The following DAB1 variants were observed in gnomAD, a reference collection of about 807,000 sequenced individuals.
The protein encoded by DAB1 is DAB adaptor protein 1, also known as disabled homolog 1.
DAB1 carries 15 observed loss-of-function variants against 64.6 expected under a neutral mutation model. The ratio of observed to expected loss-of-function variants is 0.23; its 90% CI spans 0.16 to 0.36. The LOEUF is 0.36. DAB1 is among the 10% of genes least tolerant of loss of function. The pLI, the probability that DAB1 is intolerant of heterozygous loss-of-function variation, is 1.00. For missense variants in DAB1, 596 were observed against 706.7 expected (o/e 0.84, Z 1.78); for synonymous variants, 235 against 251.9 (o/e 0.93, Z 0.64).
chr1:57,200,101 C>T (rs375982449), intron 2 of DAB1, among the ~76,000 whole-genome samples: 1 of 152,168 alleles, frequency 6.6e-6, no homozygotes, highest in Non-Finnish European at 1.5e-5. Context: ...AGGCAGGGAA[C>T]TTTACCTCTT....
intron 9 of DAB1, among the ~76,000 whole-genome samples, chr1:57,034,136 C>A (rs1489280951): frequency 6.6e-6 from 1 of 152,028 alleles, no homozygotes; most frequent in Non-Finnish European, 1.5e-5. Flanking sequence ...AAAAATTAGC[C>A]AGACGTGATG....
chr1:58,123,803 T>G (rs1652893040), intron 5 of DAB1, among the ~76,000 whole-genome samples: 1 of 152,160 alleles, frequency 6.6e-6, no homozygotes, highest in Admixed American at 6.6e-5. Context: ...AATTCATGTC[T>G]GAGACTCTGT....
intron 3 of DAB1, among the ~76,000 whole-genome samples, chr1:58,406,978 C>A (rs533928006): frequency 6.6e-6 from 1 of 152,098 alleles, no homozygotes; most frequent in African/African-American, 2.4e-5. Context: ...ACAGGGTGGG[C>A]GTGCTAATGT....
chr1:57,879,120 T>TAC (rs1310511326), intron 1 of DAB1, among the ~76,000 whole-genome samples: 1 of 152,182 alleles, frequency 6.6e-6, no homozygotes, highest in Non-Finnish European at 1.5e-5. Context: ...TGAATACTGC[T>TAC]ACAATAAACA....
At chr1:57,356,692 G>A (rs774569720) in intron 1 of DAB1, among the ~76,000 whole-genome samples, 18 of 151,930 alleles carry the variant, frequency 1.2e-4, no homozygotes, top group African/African-American at 2.2e-4. Context: ...CTTTTCAAAC[G>A]ATGCAGTTTG....
chr1:58,497,138 A>C (rs1645816141), intron 3 of DAB1, among the ~76,000 whole-genome samples: 1 of 152,234 alleles, frequency 6.6e-6, no homozygotes, highest in Admixed American at 6.5e-5. Flanking sequence ...ACAAGTTAGA[A>C]ATACCACGAA....
intron 2 of DAB1, among the ~76,000 whole-genome samples, chr1:57,285,584 T>A (rs770861162): frequency 6.6e-6 from 1 of 152,124 alleles, no homozygotes; most frequent in African/African-American, 2.4e-5. Context: ...CTCACCTTTC[T>A]AATGACAAGT....
rs1169399437 is a variant in DAB1 at position 56,998,111 on chromosome 1, G to C, written c.*33C>G. The stretch of plus-strand genomic sequence containing the variant: ...ATTTCTTAGGTCTGTTGATCTGCGC[G>C]TACAGAGGCTCTGGCTCCTGTGGAT... On this transcript the variant is annotated 3_prime_UTR_variant, in exon 15 of 15. Coordinates refer to ENST00000371236, the MANE Select transcript of DAB1 (RefSeq NM_001365792.1). The C allele has an allele frequency of 2.6e-5, 4 of 152,738 alleles. No homozygotes were observed. Among genetic ancestry groups the C allele is most frequent in the East Asian group, 1.9e-4 (1 of 5,180 alleles). 9.5% of individuals were successfully genotyped at this position (152,738 alleles called of 1,614,324 possible).
intron 7 of DAB1, among the ~76,000 whole-genome samples, chr1:57,438,091 A>G (rs941746523): frequency 3.9e-5 from 6 of 152,208 alleles, no homozygotes; most frequent in Non-Finnish European, 7.3e-5. Context: ...TTTAAGCAAC[A>G]TGAGTGACAG....
chr1:58,351,799 G>C (rs1423651477), intron 3 of DAB1, among the ~76,000 whole-genome samples: 1 of 149,430 alleles, frequency 6.7e-6, no homozygotes, highest in Non-Finnish European at 1.5e-5. Context: ...TTTGCAGGGA[G>C]ATGGGGGAGA....
intron 6 of DAB1, among the ~76,000 whole-genome samples, chr1:57,795,230 C>A (rs1418322254): frequency 1.3e-5 from 2 of 152,232 alleles, no homozygotes; most frequent in Non-Finnish European, 2.9e-5. Flanking sequence ...GAGTCATAAA[C>A]CTAAGTTATC....
chr1:58,158,653 G>A (rs888502726), intron 4 of DAB1, among the ~76,000 whole-genome samples: 1 of 152,208 alleles, frequency 6.6e-6, no homozygotes, highest in African/African-American at 2.4e-5. Context: ...CACAAGCTGA[G>A]AATGGGAAAG....
intron 4 of DAB1, among the ~76,000 whole-genome samples, chr1:57,101,429 TCA>T (rs1398018163): frequency 6.6e-6 from 1 of 152,244 alleles, no homozygotes; most frequent in Non-Finnish European, 1.5e-5. Flanking sequence ...GCCTCAATTC[TCA>T]GTTTTGCACA....
intron 6 of DAB1, among the ~76,000 whole-genome samples, chr1:57,742,363 T>A (rs1334712412): frequency 6.6e-6 from 1 of 152,142 alleles, no homozygotes; most frequent in African/African-American, 2.4e-5. Context: ...GGAAAAATAG[T>A]TTTCTATCAA....
At chr1:58,299,428 A>G (rs1385279628) in intron 4 of DAB1, among the ~76,000 whole-genome samples, 1 of 152,236 alleles carries the variant, frequency 6.6e-6, no homozygotes, top group Non-Finnish European at 1.5e-5. Context: ...TAGAACTTCT[A>G]TTCACATTTA....
intron 5 of DAB1, among the ~76,000 whole-genome samples, chr1:57,953,925 C>T (rs1645331395): frequency 6.6e-6 from 1 of 152,148 alleles, no homozygotes; most frequent in Admixed American, 6.6e-5. Flanking sequence ...TGGCTGCCCA[C>T]TGGTAGGAAC....
Position 57,349,023 on chromosome 1 carries a change from C to T in DAB1, c.-136-57857G>A, listed in dbSNP as rs534933380. Among the ~76,000 whole-genome samples the T allele has an allele frequency of 7.2e-5, 11 of 152,146 alleles. No individual in the cohort carries two copies. In the South Asian group the frequency reaches 1.9e-3, roughly 26 times the overall value. ...ATTTCCTTCCCAACTGGCAATGGAA[C>T]AAAAAACCTTCCACCTCTCATTCTA... On this transcript the variant is annotated intron_variant, in intron 1 of 14. Transcript: ENST00000371236.
intron 6 of DAB1, among the ~76,000 whole-genome samples, chr1:57,695,377 A>AAAAGAAAG (rs1646824486): frequency 4.6e-4 from 31 of 66,962 alleles, no homozygotes; most frequent in South Asian, 1.4e-3. Context: ...AGAAAGAAAG[A>AAAAGAAAG]AAGAAAGAAA....
intron 3 of DAB1, among the ~76,000 whole-genome samples, chr1:58,501,002 C>T (rs1302624723): frequency 6.6e-6 from 1 of 152,156 alleles, no homozygotes; most frequent in Non-Finnish European, 1.5e-5. Context: ...TACTATTAAA[C>T]ATCAACAAAT....
Sources: gnomAD v4.1 joint callset for allele counts (sites outside exome capture counted in the v4.1 genomes callset) on GRCh38, gnomAD v4.1.1 for gene constraint, MANE v1.5 for transcripts, NCBI Gene and HGNC (gene_info 2026-07-23, HGNC 2026-07-21) for gene names.